VWF: variants seen among roughly 807,000 people sequenced by gnomAD.
VWF encodes von Willebrand factor.
In VWF, 176 loss-of-function variants were observed where a neutral mutation model predicts 308.6. That is an observed-to-expected ratio of 0.57 (90% CI 0.50 to 0.65). VWF has a LOEUF of 0.65. Ranked by LOEUF, VWF falls within the 30% of genes least tolerant of loss-of-function variation. The probability of loss-of-function intolerance (pLI) is 0.00; values close to 1 mark genes in which losing one functional copy is unlikely to be tolerated. For missense variants in VWF, 3,146 were observed against 3,648.2 expected, an observed-to-expected ratio of 0.86 and a Z score of 3.55; for synonymous variants, 1,385 against 1,443.4, an observed-to-expected ratio of 0.96 and a Z score of 0.92.
Position 6,061,408 on chromosome 12 carries a change from C to A in VWF, c.1533+1546G>T, listed in dbSNP as rs373356278. ...TTTCCTACTGGAAAAGGGAGGTTGA[C>A]AAGAGGATCTCCCAGACCTTCCTGC... On this transcript the variant is annotated intron_variant, in intron 13 of 51. Transcript: ENST00000261405. Among the ~76,000 whole-genome samples, 23 of 105,818 alleles carry A rather than the reference C, an allele frequency of 2.2e-4. No individual in the cohort carries two copies. In the South Asian group the frequency reaches 5.9e-3, roughly 27 times the overall value. 69.4% of individuals were successfully genotyped at this position (105,818 alleles called of 152,430 possible). A position where few individuals can be genotyped will look rare whatever the true frequency, so the allele number is the denominator to read the frequency against.
At chr12:6,084,006 C>A (rs1944942981) in intron 6 of VWF, among the ~76,000 whole-genome samples, 2 of 152,332 alleles carry the variant, frequency 1.3e-5, no homozygotes, top group South Asian at 4.1e-4. Flanking sequence ...TGGATCCCAA[C>A]ACCATGAGAT....
rs1045227702 is a variant in VWF at position 6,063,834 on chromosome 12, G to A, written c.1432+412C>T. On this transcript the variant is annotated intron_variant, in intron 12 of 51. Coordinates refer to ENST00000261405, the MANE Select transcript of VWF (RefSeq NM_000552.5). The surrounding 1 kb of genome is among the most constrained non-coding windows in gnomAD (Gnocchi z 4.9). ...AGGGTCACCTGGCCTCGCCCCAAGT[G>A]GCATCCTCTGGTGTGACATCACCAG... Among the ~76,000 whole-genome samples the A allele has an allele frequency of 2.6e-5, 4 of 152,108 alleles. No homozygotes were observed. Among genetic ancestry groups the A allele is most frequent in the Non-Finnish European group, 5.9e-5 (4 of 68,008 alleles).
At chr12:6,011,570 G>A (rs1943993917) in intron 34 of VWF, 47 bp downstream of exon 34, 1 of 1,531,870 alleles carries the variant, frequency 6.5e-7, no homozygotes, top group Non-Finnish European at 8.9e-7. Flanking sequence ...CAAGCTAAAA[G>A]CACTGCCCCT....
Position 6,011,095 on chromosome 12 carries a change from G to C in VWF, c.5842+522C>G, listed in dbSNP as rs1943988000. On this transcript the variant is annotated intron_variant, in intron 34 of 51. Coordinates refer to ENST00000261405, the MANE Select transcript of VWF (RefSeq NM_000552.5). The stretch of plus-strand genomic sequence containing the variant: ...TGCTGAGTCATGGTCACCATAAGCA[G>C]TCATTGCTCCCAAACATGAGACAGA... 2.0e-5 allele frequency among the ~76,000 whole-genome samples: 3 copies of C among 152,320 alleles called. No homozygotes were observed. The South Asian group carries it at 6.2e-4, about 32-fold the overall frequency.
At chr12:6,087,382 A>G (rs1298688979) in intron 6 of VWF, among the ~76,000 whole-genome samples, 1 of 138,886 alleles carries the variant, frequency 7.2e-6, no homozygotes, top group African/African-American at 2.7e-5. Flanking sequence ...TTTTTGAGAC[A>G]GAGTCTCACC....
At chr12:6,073,765 C>T (rs753542727) in intron 7 of VWF, 24 bp from the exon 8 acceptor site, 5 of 1,613,482 alleles carry the variant, frequency 3.1e-6, no homozygotes, top group Non-Finnish European at 4.2e-6. Context: ...TCAAAGGGGT[C>T]TACCCAGGGC....
chr12:5,997,420 C>CA (rs1943818465), intron 34 of VWF, among the ~76,000 whole-genome samples: 1 of 152,182 alleles, frequency 6.6e-6, no homozygotes, highest in Non-Finnish European at 1.5e-5. Flanking sequence ...TGGCTCTGCC[C>CA]ACCCTAAGAT....
At chr12:6,083,028 A>C (rs76867049) in intron 6 of VWF, among the ~76,000 whole-genome samples, 12 of 152,080 alleles carry the variant, frequency 7.9e-5, no homozygotes, top group African/African-American at 2.9e-4. Flanking sequence ...TTCTTTTTTT[A>C]GATGAAGTCT....
intron 47 of VWF, among the ~76,000 whole-genome samples, chr12:5,962,520 A>G (rs1388593046): frequency 4.6e-5 from 7 of 151,248 alleles, no homozygotes; most frequent in Non-Finnish European, 8.8e-5. Flanking sequence ...CGATTGGTCC[A>G]TACATACACA....
chr12:5,968,418 G>A (rs890793238), intron 45 of VWF, among the ~76,000 whole-genome samples: 11 of 152,166 alleles, frequency 7.2e-5, no homozygotes, highest in African/African-American at 2.7e-4. Flanking sequence ...TTGCTTATGT[G>A]AATTTACATT....
At chr12:6,002,289 G>C (rs1943879709) in intron 34 of VWF, among the ~76,000 whole-genome samples, 1 of 151,698 alleles carries the variant, frequency 6.6e-6, no homozygotes. Flanking sequence ...TAAATAAATT[G>C]AAATCTTGAT....
chr12:6,061,479 A>G (rs78915411), intron 13 of VWF, among the ~76,000 whole-genome samples: 10,521 of 152,044 alleles, frequency 0.069, 426 homozygotes, highest in East Asian at 0.14. Context: ...AGGAAAAAAA[A>G]AAAAAAAAAG....
In VWF at chr12:6,011,586, G is replaced by A. The variant is rs190444179; in HGVS notation, c.5842+31C>T. The A allele has an allele frequency of 1.2e-3, 1,896 of 1,570,974 alleles. 3 individuals carry two copies. Among genetic ancestry groups the A allele is most frequent in the Admixed American group, 2.2e-3 (113 of 52,422 alleles). ...AAGCTAAAAGCACTGCCCCTTTGAC[G>A]CTGCCCTGGCTGGAGAAGCAAAGGA... On this transcript the variant is annotated intron_variant, in intron 34 of 51. Transcript: ENST00000261405.
chr12:5,969,540 G>A, intron 44 of VWF, 149 bp from the exon 45 acceptor site: 1 of 883,966 alleles, frequency 1.1e-6, no homozygotes, highest in Non-Finnish European at 1.7e-6. Flanking sequence ...GGCCCACGGA[G>A]GGGATGAGTG....
chr12:6,086,339 T>C (rs144323262), intron 6 of VWF, among the ~76,000 whole-genome samples: 64 of 152,258 alleles, frequency 4.2e-4, no homozygotes, highest in African/African-American at 1.4e-3. Flanking sequence ...TGTGTACTTA[T>C]TGCAAACCCC....
chr12:5,963,796 T>C (rs1943345787), intron 47 of VWF, among the ~76,000 whole-genome samples: 1 of 152,210 alleles, frequency 6.6e-6, no homozygotes, highest in Admixed American at 6.5e-5. Context: ...AAGAGCGCCT[T>C]ATTTATATCT....
chr12:6,021,850 G>A (rs752843626), intron 27 of VWF, 50 bp downstream of exon 27: 3 of 1,613,258 alleles, frequency 1.9e-6, no homozygotes, highest in Admixed American at 3.3e-5. Context: ...GCTGGCCCCT[G>A]GAGAAGCAAT....
intron 34 of VWF, among the ~76,000 whole-genome samples, chr12:6,008,270 A>C (rs1943951986): frequency 6.6e-6 from 1 of 152,200 alleles, no homozygotes; most frequent in Non-Finnish European, 1.5e-5. Context: ...AAAAATTCTC[A>C]ACAAAATGAC....
At chr12:5,958,477 C>T (rs1353871317) in intron 47 of VWF, among the ~76,000 whole-genome samples, 2 of 152,106 alleles carry the variant, frequency 1.3e-5, no homozygotes, top group Admixed American at 1.3e-4. Flanking sequence ...CGCTTGAGCC[C>T]AAGAGTTTGT....
Sources: gnomAD v4.1 joint callset for allele counts (sites outside exome capture counted in the v4.1 genomes callset) on GRCh38, gnomAD v4.1.1 for gene constraint, Gnocchi (gnomAD v3.1) non-coding constraint, MANE v1.5 for transcripts, NCBI Gene and HGNC (gene_info 2026-07-23, HGNC 2026-07-21) for gene names.